The following SSH2 variants were observed in gnomAD, a reference collection of about 807,000 sequenced individuals.
SSH2 encodes the protein protein phosphatase Slingshot homolog 2.
A neutral mutation model predicts 135.2 loss-of-function variants in SSH2; 37 were observed. The observed-to-expected ratio is 0.27, with a 90% confidence interval of 0.21 to 0.36. SSH2 has a LOEUF of 0.36. Ranked by LOEUF, SSH2 falls within the 10% of genes least tolerant of loss-of-function variation. The pLI is 1.00. For synonymous variants in SSH2, 628 were observed against 646.2 expected (o/e 0.97, Z 0.43); for missense variants, 1,408 against 1,765.3 (o/e 0.80, Z 3.63).
chr17:29,735,803 T>C (rs1295057787), intron 3 of SSH2, among the ~76,000 whole-genome samples: 6 of 151,580 alleles, frequency 4.0e-5, no homozygotes, highest in African/African-American at 4.8e-5. Context: ...ACTCCCCATT[T>C]CTGAAAAATA....
chr17:29,912,890 A>C (rs1371689949), intron 1 of SSH2, among the ~76,000 whole-genome samples: 1 of 152,152 alleles, frequency 6.6e-6, no homozygotes, highest in Non-Finnish European at 1.5e-5. Context: ...TACTTACCAC[A>C]GATCCTATTT....
At chr17:29,884,584 T>G (rs2066199486) in intron 1 of SSH2, among the ~76,000 whole-genome samples, 1 of 152,148 alleles carries the variant, frequency 6.6e-6, no homozygotes, top group Non-Finnish European at 1.5e-5. Flanking sequence ...TTCCACAGGA[T>G]TACATACCTC....
chr17:29,784,264 A>T (rs1214997908), intron 3 of SSH2, among the ~76,000 whole-genome samples: 4 of 151,704 alleles, frequency 2.6e-5, no homozygotes, highest in Admixed American at 2.6e-4. Context: ...ACGCACCTGT[A>T]ATCCCAGCTA....
chr17:29,741,683 T>A (rs1017313843), intron 3 of SSH2, among the ~76,000 whole-genome samples: 1 of 149,400 alleles, frequency 6.7e-6, no homozygotes, highest in Non-Finnish European at 1.5e-5. Context: ...TGGCGCGATC[T>A]CAGCTCGTTG....
At chr17:29,639,143 C>CAGGTGGGCCAAAGCAG in intron 14 of SSH2, among the ~76,000 whole-genome samples, 1 of 152,056 alleles carries the variant, frequency 6.6e-6, no homozygotes, top group Non-Finnish European at 1.5e-5. Flanking sequence ...TAAGGAGACA[C>CAGGTGGGCCAAAGCAG]GTGGAAAAAG....
intron 3 of SSH2, chr17:29,776,221 T>C (rs528483671): frequency 6.6e-6 from 1 of 152,258 alleles, no homozygotes; most frequent in South Asian, 2.1e-4. Context: ...ACCTACGGAG[T>C]ATGCTATTCC....
Position 29,929,968 on chromosome 17 carries a change from G to A in SSH2, c.33C>T (p.Thr11=), listed in dbSNP as rs1445771907. 1 of 1,604,224 alleles carries A rather than the reference G, an allele frequency of 6.2e-7. No individual in the cohort carries two copies. The highest frequency in any genetic ancestry group is 8.5e-7 in the Non-Finnish European group (1 of 1,175,818). MALVTVQRSP[T]PSTTSSPCAS... ...CGCAGGGGCTGGAGGTGGTGCTGGGGGTAGGTGACCGCTGGACCGTGACCA... is the reference window on the plus strand; with the variant it reads ...CGCAGGGGCTGGAGGTGGTGCTGGGAGTAGGTGACCGCTGGACCGTGACCA... The change falls in exon 1 of 16, where the codon ACC becomes ACT. Residue 11 remains threonine, a synonymous_variant. Transcript: ENST00000540801.
intron 3 of SSH2, among the ~76,000 whole-genome samples, chr17:29,782,065 T>C (rs565964569): frequency 3.3e-5 from 5 of 151,904 alleles, no homozygotes; most frequent in African/African-American, 1.2e-4. Flanking sequence ...AGGCTTGTCT[T>C]GAACTCCTGA....
At chr17:29,705,204 A>T (rs1247025568) in intron 3 of SSH2, among the ~76,000 whole-genome samples, 1 of 152,134 alleles carries the variant, frequency 6.6e-6, no homozygotes, top group Non-Finnish European at 1.5e-5. Flanking sequence ...GAACCTGCCC[A>T]CTTATCCCTA....
chr17:29,648,200 C>A lies in SSH2; in HGVS notation c.1371G>T (p.Lys457Asn), dbSNP rs750183981. The change falls in exon 14 of 16, where the codon AAG becomes AAT. Residue 457 changes from lysine to asparagine, a missense_variant. Coordinates refer to ENST00000540801, the MANE Select transcript of SSH2 (RefSeq NM_001282129.2). ...DYVKERRTVTKPNPSFMRQLE... is the reference protein window; with the variant it reads ...DYVKERRTVTNPNPSFMRQLE... ...GTTGTCTCATGAAGCTTGGGTTGGG[C>A]TTGGTTACCGTTCGTCTTTCTTTCA... 3.1e-6 allele frequency: 5 copies of A among 1,614,106 alleles called. No individual in the cohort carries two copies. The Admixed American group carries it at 6.7e-5, about 22-fold the overall frequency.
Position 29,821,255 on chromosome 17 carries a change from TTATC to T in SSH2, c.145-27322_145-27319del, listed in dbSNP as rs767201046. ...TTACATGCATTCACATCTTATTTAT[TTATC>T]TATCTATTTATTTGTTTATGAGGGG... On this transcript the variant is annotated intron_variant, in intron 2 of 15. Coordinates refer to ENST00000540801, the MANE Select transcript of SSH2 (RefSeq NM_001282129.2). Among the ~76,000 whole-genome samples the T allele has an allele frequency of 5.9e-5, 9 of 152,182 alleles. No individual in the cohort carries two copies. The South Asian group carries it at 1.2e-3, about 21-fold the overall frequency.
intron 3 of SSH2, among the ~76,000 whole-genome samples, chr17:29,747,685 A>AT (rs2040807299): frequency 6.6e-6 from 1 of 152,216 alleles, no homozygotes; most frequent in South Asian, 2.1e-4. Flanking sequence ...TAGGATACTG[A>AT]TTTTTTCTTT....
chr17:29,735,652 G>A (rs920466588), intron 3 of SSH2, among the ~76,000 whole-genome samples: 11 of 148,734 alleles, frequency 7.4e-5, no homozygotes, highest in Admixed American at 1.3e-4. Flanking sequence ...AGTCGAGATC[G>A]CGTCACTGCA....
intron 3 of SSH2, among the ~76,000 whole-genome samples, chr17:29,743,787 A>G (rs2040651407): frequency 6.6e-6 from 1 of 152,190 alleles, no homozygotes; most frequent in Non-Finnish European, 1.5e-5. Flanking sequence ...TACTGGGTTT[A>G]AATTCATTTG....
chr17:29,651,366 G>A (rs2036571776), intron 12 of SSH2, among the ~76,000 whole-genome samples: 1 of 152,198 alleles, frequency 6.6e-6, no homozygotes, highest in African/African-American at 2.4e-5. Context: ...AAGGGTCAGA[G>A]AAAAGCCGGA....
chr17:29,852,321 C>CT (rs2065577791), intron 1 of SSH2, among the ~76,000 whole-genome samples: 1 of 151,814 alleles, frequency 6.6e-6, no homozygotes, highest in Non-Finnish European at 1.5e-5. Context: ...TGTAACCACA[C>CT]TTGCATTCCT....
intron 11 of SSH2, among the ~76,000 whole-genome samples, chr17:29,658,833 C>T (rs2036898409): frequency 7.1e-6 from 1 of 141,700 alleles, no homozygotes; most frequent in African/African-American, 2.7e-5. Context: ...TGCCATTGCA[C>T]TCCAGCCTGG....
chr17:29,925,751 T>C (rs2067053194), intron 1 of SSH2, among the ~76,000 whole-genome samples: 1 of 151,624 alleles, frequency 6.6e-6, no homozygotes, highest in Admixed American at 6.6e-5. Flanking sequence ...TGTGAGTACA[T>C]TTTAAATGTT....
At chr17:29,679,048 GA>G (rs1377883714) in intron 6 of SSH2, among the ~76,000 whole-genome samples, 22 of 152,110 alleles carry the variant, frequency 1.4e-4, no homozygotes, top group Admixed American at 6.6e-4. Context: ...ATTAGCCCAG[GA>G]AGGGCTTTAA....
Sources: gnomAD v4.1 joint callset for allele counts (sites outside exome capture counted in the v4.1 genomes callset) on GRCh38, gnomAD v4.1.1 for gene constraint, MANE v1.5 for transcripts, NCBI Gene and HGNC (gene_info 2026-07-23, HGNC 2026-07-21) for gene names.